Variants in KHDC1 observed in about 807,000 individuals in gnomAD.
The protein encoded by KHDC1 is KH homology domain-containing protein 1.
A neutral mutation model predicts 24.7 loss-of-function variants in KHDC1; 21 were observed. The observed-to-expected ratio is 0.85, with a 90% CI of 0.60 to 1.23. The LOEUF is 1.23. KHDC1 is among the 50% of genes most tolerant of loss of function. The pLI, the probability that KHDC1 is intolerant of heterozygous loss-of-function variation, is 0.00. For missense variants in KHDC1, 274 were observed against 298.5 expected, an observed-to-expected ratio of 0.92 and a Z score of 0.61; for synonymous variants, 98 against 111.7, an observed-to-expected ratio of 0.88 and a Z score of 0.77.
Position 73,241,956 on chromosome 6 carries a change from C to T in KHDC1, c.514+99G>A, listed in dbSNP as rs546437325. 14 of 1,337,458 alleles carry T rather than the reference C, an allele frequency of 1.0e-5. No homozygotes were observed. In the Admixed American group the frequency reaches 3.3e-4, roughly 32 times the overall value. The allele number at this position is 1,337,458 out of a possible 1,614,324, so 82.8% of individuals were successfully genotyped here. On this transcript the variant is annotated intron_variant, in intron 4 of 4. Coordinates refer to ENST00000370384, the Ensembl canonical transcript of KHDC1. ...GACTCTGGGAAGCACTTGGATTCCC[C>T]AGCCACACAAGGGATTCTTCAAGAA...
chr6:73,269,633 G>A (rs1767145278), intron 2 of KHDC1: 1 of 149,418 alleles, frequency 6.7e-6, no homozygotes, highest in Non-Finnish European at 1.5e-5. Context: ...CCTGTGGTAT[G>A]GTTTGAGTTT....
chr6:73,309,954 C>T (rs1002640689), exon 1 of KHDC1: 5 of 479,186 alleles, frequency 1.0e-5, no homozygotes, highest in Admixed American at 4.2e-5. Context: ...GCTGGCAAGA[C>T]GTCCCAGGGC....
intron 2 of KHDC1, chr6:73,291,314 G>A: frequency 4.8e-6 from 1 of 207,404 alleles, no homozygotes; most frequent in Non-Finnish European, 9.9e-6. Context: ...TAACGCTGAT[G>A]GAAATAAACA....
At chr6:73,284,541 C>A (rs1435114306) in intron 2 of KHDC1, 2 of 152,046 alleles carry the variant, frequency 1.3e-5, no homozygotes, top group Non-Finnish European at 2.9e-5. Context: ...CTCAGGGAGG[C>A]AGATTTTAGT....
At chr6:73,263,617 G>T (rs1267200264) in intron 2 of KHDC1, among the ~76,000 whole-genome samples, 1 of 151,400 alleles carries the variant, frequency 6.6e-6, no homozygotes, top group Non-Finnish European at 1.5e-5. Flanking sequence ...GCGGTGGGGG[G>T]GGGGGTGACC....
intron 1 of KHDC1, among the ~76,000 whole-genome samples, chr6:73,296,548 G>C (rs930918213): frequency 3.3e-5 from 5 of 152,104 alleles, no homozygotes; most frequent in Admixed American, 2.6e-4. Context: ...AACTAGAATG[G>C]TTATCACATT....
At chr6:73,297,564 A>G (rs537053528) in intron 1 of KHDC1, among the ~76,000 whole-genome samples, 3 of 152,256 alleles carry the variant, frequency 2.0e-5, no homozygotes, top group Admixed American at 6.5e-5. Context: ...TACCTTTCCA[A>G]TTGATAAGGT....
At position 73,283,888 on chromosome 6, in the gene KHDC1, T is replaced by C. The variant is rs147177982; in HGVS notation, c.206+8110A>G. The stretch of plus-strand genomic sequence containing the variant: ...CCGTGCCTGGCACCATTCTTTCCTC[T>C]TTGATAACTGCAGTATTTTCCCACT... On this transcript the variant is annotated intron_variant, in intron 2 of 4. Transcript: ENST00000370384. 1.0e-3 allele frequency among the ~76,000 whole-genome samples: 154 copies of C among 152,114 alleles called. 1 individual carries two copies. Among genetic ancestry groups the C allele is most frequent in the African/African-American group, 3.3e-3 (136 of 41,504 alleles).
At chr6:73,279,062 G>C (rs71573587) in intron 2 of KHDC1, among the ~76,000 whole-genome samples, 10,096 of 152,234 alleles carry the variant, frequency 0.066, 351 homozygotes, top group East Asian at 0.13. Context: ...TACAGTGATT[G>C]CATATTTATC....
intron 2 of KHDC1, among the ~76,000 whole-genome samples, chr6:73,267,115 A>G (rs918018369): frequency 2.6e-5 from 4 of 152,244 alleles, no homozygotes; most frequent in Non-Finnish European, 5.9e-5. Context: ...GTTCAACATC[A>G]CTAGTCATTA....
rs554033768 is a variant in KHDC1 at position 73,253,532 on chromosome 6, G to A, written c.207-11002C>T. 1.1e-4 allele frequency among the ~76,000 whole-genome samples: 16 copies of A among 151,226 alleles called. 1 individual carries two copies. The highest frequency in any genetic ancestry group is 3.6e-4 in the African/African-American group (15 of 41,160). ...AGCACCACTGCAGTCCAGCCTGGGT[G>A]AAAGAGCGAGAGTCCGTCTCAAAAA... On this transcript the variant is annotated intron_variant, in intron 2 of 4. Transcript: ENST00000370384.
At chr6:73,301,643 T>G (rs150127909) in intron 1 of KHDC1, among the ~76,000 whole-genome samples, 68 of 152,262 alleles carry the variant, frequency 4.5e-4, no homozygotes, top group African/African-American at 1.6e-3. Flanking sequence ...AAATTTTTTT[T>G]TTCTTAGAGA....
intron 2 of KHDC1, among the ~76,000 whole-genome samples, chr6:73,249,388 G>A (rs1766737212): frequency 6.6e-6 from 1 of 152,024 alleles, no homozygotes; most frequent in African/African-American, 2.4e-5. Context: ...TGGTGCCGCT[G>A]GAAAAATTAT....
intron 2 of KHDC1, among the ~76,000 whole-genome samples, chr6:73,288,954 A>G (rs1456817059): frequency 2.0e-5 from 3 of 152,178 alleles, no homozygotes; most frequent in Non-Finnish European, 4.4e-5. Flanking sequence ...AAAATATCCA[A>G]TCATTTCTTG....
intron 2 of KHDC1, among the ~76,000 whole-genome samples, chr6:73,259,058 T>TA (rs1766930746): frequency 6.6e-6 from 1 of 152,168 alleles, no homozygotes. Flanking sequence ...TCAGGAGCCT[T>TA]ACACAAATTC....
At chr6:73,302,771 T>C (rs1767899393) in intron 1 of KHDC1, among the ~76,000 whole-genome samples, 1 of 152,190 alleles carries the variant, frequency 6.6e-6, no homozygotes, top group Non-Finnish European at 1.5e-5. Context: ...TGAGATACTA[T>C]TCAGCCTAAA....
chr6:73,261,351 G>A (rs567352370), intron 2 of KHDC1, among the ~76,000 whole-genome samples: 2 of 152,178 alleles, frequency 1.3e-5, no homozygotes, highest in Admixed American at 6.5e-5. Context: ...GCTGAGGCAC[G>A]AGAATGGCTT....
At chr6:73,254,167 A>C (rs1002366003) in intron 2 of KHDC1, among the ~76,000 whole-genome samples, 11 of 152,104 alleles carry the variant, frequency 7.2e-5, no homozygotes, top group Non-Finnish European at 1.5e-4. Flanking sequence ...TAATAAATAT[A>C]AAAAGATTCA....
intron 1 of KHDC1, among the ~76,000 whole-genome samples, chr6:73,296,434 CAG>C (rs918959753): frequency 1.6e-4 from 25 of 151,672 alleles, no homozygotes; most frequent in African/African-American, 6.1e-4. Flanking sequence ...GCCTGGGTGA[CAG>C]AGTGAGACTC....
Sources: allele counts gnomAD v4.1 joint callset (sites outside exome capture counted in the v4.1 genomes callset), GRCh38; gene constraint gnomAD v4.1.1; transcripts MANE v1.5; gene names NCBI Gene and HGNC (gene_info 2026-07-23, HGNC 2026-07-21).